PIK3CB: variants seen among roughly 807,000 people sequenced by gnomAD.
The protein encoded by PIK3CB is phosphatidylinositol-4,5-bisphosphate 3-kinase catalytic subunit beta.
PIK3CB carries 39 observed loss-of-function variants against 136.8 expected under a neutral mutation model. The observed-to-expected ratio is 0.29, with a 90% confidence interval of 0.22 to 0.37. The LOEUF (loss-of-function observed/expected upper bound fraction) is 0.37, where lower values mean the gene tolerates loss of function less well. Among genes scored for constraint, PIK3CB ranks in the 10% least tolerant of loss-of-function variants. The pLI is 1.00. For missense variants in PIK3CB, 868 were observed against 1,275.4 expected (o/e 0.68, Z 4.87); for synonymous variants, 428 against 436.6 (o/e 0.98, Z 0.25).
chr3:138,669,279 A>G (rs2043479532), intron 19 of PIK3CB, among the ~76,000 whole-genome samples: 1 of 151,784 alleles, frequency 6.6e-6, no homozygotes, highest in Admixed American at 6.6e-5. Context: ...AGGTGTGATG[A>G]CAGGTGCCTG....
At chr3:138,809,798 A>T (rs568026648) in intron 1 of PIK3CB, among the ~76,000 whole-genome samples, 1 of 152,118 alleles carries the variant, frequency 6.6e-6, no homozygotes, top group Non-Finnish European at 1.5e-5. Flanking sequence ...TAGTATTCAC[A>T]TATATTTCCT....
chr3:138,696,181 CT>C lies in PIK3CB; in HGVS notation c.1771-1275del, dbSNP rs200970812. Reference sequence around the variant, plus strand: ...TGCCTAGTAATTTTTAAATTTTAACCTTTTTTTTTTTTTTTGTAAGAGATAG... The same window carrying C: ...TGCCTAGTAATTTTTAAATTTTAACCTTTTTTTTTTTTTTGTAAGAGATAG... On this transcript the variant is annotated intron_variant, in intron 13 of 23. Transcript: ENST00000674063. Among the ~76,000 whole-genome samples, 772 of 139,158 alleles carry C rather than the reference CT, an allele frequency of 5.5e-3. 2 individuals carry two copies. Among genetic ancestry groups the C allele is most frequent in the African/African-American group, 6.2e-3 (235 of 38,084 alleles). The allele number at this position is 139,158 out of a possible 152,430, so 91.3% of individuals were successfully genotyped here.
At chr3:138,724,473 G>T (rs757000592) in intron 8 of PIK3CB, among the ~76,000 whole-genome samples, 6 of 152,046 alleles carry the variant, frequency 3.9e-5, no homozygotes, top group Non-Finnish European at 8.8e-5. Context: ...CATTAAGTAG[G>T]TATGGTTATT....
chr3:138,831,284 AT>A (rs1413355320), intron 1 of PIK3CB, among the ~76,000 whole-genome samples: 1 of 139,758 alleles, frequency 7.2e-6, no homozygotes, highest in Non-Finnish European at 1.6e-5. Context: ...ATAAAATAAA[AT>A]TAAATTAAAT....
intron 2 of PIK3CB, among the ~76,000 whole-genome samples, chr3:138,789,924 C>T (rs993458320): frequency 1.3e-5 from 2 of 152,044 alleles, no homozygotes; most frequent in East Asian, 1.9e-4. Context: ...CTCCTGACCT[C>T]GTGATCTGCC....
chr3:138,666,836 G>A (rs1476582221), intron 19 of PIK3CB, among the ~76,000 whole-genome samples: 1 of 152,144 alleles, frequency 6.6e-6, no homozygotes, highest in Non-Finnish European at 1.5e-5. Context: ...TACACTCACT[G>A]AGCAAATGTA....
At chr3:138,733,282 A>G in intron 8 of PIK3CB, 79 bp downstream of exon 8, 4 of 589,568 alleles carry the variant, frequency 6.8e-6, no homozygotes, top group Non-Finnish European at 1.2e-5. Context: ...TCAATCTCCA[A>G]TGTGACATTA....
chr3:138,818,616 TACACCC>T (rs1933432236), intron 1 of PIK3CB, among the ~76,000 whole-genome samples: 1 of 152,136 alleles, frequency 6.6e-6, no homozygotes, highest in Non-Finnish European at 1.5e-5. Context: ...TGGCTCATCT[TACACCC>T]TTATCCTACA....
chr3:138,795,323 T>TAA (rs56912195), intron 2 of PIK3CB, among the ~76,000 whole-genome samples: 3 of 112,374 alleles, frequency 2.7e-5, no homozygotes, highest in Non-Finnish European at 3.5e-5. Context: ...CTCTGTCTTT[T>TAA]AAAAAAAAAA....
intron 8 of PIK3CB, among the ~76,000 whole-genome samples, chr3:138,722,129 G>GTTT (rs57765444): frequency 7.8e-6 from 1 of 128,674 alleles, no homozygotes; most frequent in South Asian, 2.3e-4. Context: ...GCTACTGGGT[G>GTTT]TTTTTTTTTT....
Position 138,655,483 on chromosome 3 carries a change from T to C in PIK3CB, c.3119A>G (p.Gln1040Arg). The C allele has an allele frequency of 6.2e-7, 1 of 1,612,976 alleles. No homozygotes were observed. The highest frequency in any genetic ancestry group is 8.5e-7 in the Non-Finnish European group (1 of 1,178,894). ...CGCCTCATCAAATTTTTGCTTAAAC[T>C]GTTTGAGTGCTTCTTCTTCACTCTT... ...LGKSEEEALKQFKQKFDEALR... is the reference protein window; with the variant it reads ...LGKSEEEALKRFKQKFDEALR... The change falls in exon 24 of 24, where the codon CAG becomes CGG. Residue 1040 changes from glutamine (Q) to arginine (R), a missense_variant. Transcript: ENST00000674063.
Position 138,656,214 on chromosome 3 carries a change from G to A in PIK3CB, c.3003C>T (p.Ile1001=), listed in dbSNP as rs1304806331. 14 of 1,614,088 alleles carry A rather than the reference G, an allele frequency of 8.7e-6. No individual in the cohort carries two copies. The highest frequency in any genetic ancestry group is 1.2e-5 in the Non-Finnish European group (14 of 1,179,966). ...CAGTCAACATCAGCGCAAAGAGAGT[G>A]ATGAAGAGATTCCCATGCCGTCGTA... ...LILRRHGNLF[I]TLFALMLTAG... Residue 1001 remains isoleucine, a synonymous_variant, in exon 23 of 24, where the codon ATC becomes ATT. Transcript: ENST00000674063.
At chr3:138,741,977 T>C (rs1222458558) in intron 5 of PIK3CB, among the ~76,000 whole-genome samples, 1 of 152,210 alleles carries the variant, frequency 6.6e-6, no homozygotes, top group Non-Finnish European at 1.5e-5. Flanking sequence ...GTATATCAAC[T>C]CTATTATAAT....
At chr3:138,786,701 T>C (rs897896812) in intron 2 of PIK3CB, among the ~76,000 whole-genome samples, 1 of 152,186 alleles carries the variant, frequency 6.6e-6, no homozygotes, top group South Asian at 2.1e-4. Flanking sequence ...AAATGTACTA[T>C]ACTATGCATA....
intron 14 of PIK3CB, among the ~76,000 whole-genome samples, chr3:138,693,971 TA>T (rs1382009809): frequency 4.0e-4 from 34 of 84,046 alleles, no homozygotes; most frequent in Non-Finnish European, 8.6e-4. Flanking sequence ...ATATATTATA[TA>T]TATATATATA....
intron 1 of PIK3CB, among the ~76,000 whole-genome samples, chr3:138,830,980 G>T (rs1215666102): frequency 1.4e-5 from 2 of 148,010 alleles, no homozygotes; most frequent in Non-Finnish European, 3.0e-5. Flanking sequence ...CCTCAGTTAA[G>T]TATTTTATTT....
Position 138,733,457 on chromosome 3 carries a change from A to ATTTGT in PIK3CB, c.973-20_973-19insACAAA. 4.9e-6 allele frequency: 6 copies of ATTTGT among 1,223,450 alleles called. No individual in the cohort carries two copies. The highest frequency in any genetic ancestry group is 5.9e-6 in the Non-Finnish European group (5 of 841,878). 75.8% of individuals were successfully genotyped at this position (1,223,450 alleles called of 1,614,324 possible). On this transcript the variant is annotated intron_variant, in intron 7 of 23. Coordinates refer to ENST00000674063, the MANE Select transcript of PIK3CB (RefSeq NM_006219.3). ...AAACATGCTGTAAAAGAATAAAATA[A>ATTTGT]ATACAAATTATTTTAATGAAAGAAA...
chr3:138,832,229 T>A (rs149689052), intron 1 of PIK3CB, among the ~76,000 whole-genome samples: 1 of 152,078 alleles, frequency 6.6e-6, no homozygotes, highest in African/African-American at 2.4e-5. Context: ...CCAAGAAAGA[T>A]AGGCAAGAGG....
Position 138,768,655 on chromosome 3 carries a change from C to T in PIK3CB, c.-16-9296G>A, listed in dbSNP as rs181531341. Among the ~76,000 whole-genome samples, 76 of 152,306 alleles carry T rather than the reference C, an allele frequency of 5.0e-4. 1 individual carries two copies. Among genetic ancestry groups the T allele is most frequent in the Admixed American group, 3.3e-3 (51 of 15,302 alleles). Reference sequence around the variant, plus strand: ...ATCATGGCACCCAAGCTGTAGGTACCGCCTACAGGTCAGCGCCAAGCTGCC... The same window carrying T: ...ATCATGGCACCCAAGCTGTAGGTACTGCCTACAGGTCAGCGCCAAGCTGCC... On this transcript the variant is annotated intron_variant, in intron 2 of 23. Coordinates refer to ENST00000674063, the MANE Select transcript of PIK3CB (RefSeq NM_006219.3).
Sources: gnomAD v4.1 joint callset for allele counts (sites outside exome capture counted in the v4.1 genomes callset) on GRCh38, gnomAD v4.1.1 for gene constraint, MANE v1.5 for transcripts, NCBI Gene and HGNC (gene_info 2026-07-23, HGNC 2026-07-21) for gene names.